SKAP2: variants seen among roughly 807,000 people sequenced by gnomAD.
SKAP2 encodes the protein src kinase associated phosphoprotein 2, also known as src kinase-associated phosphoprotein 2.
In SKAP2, 28 loss-of-function variants were observed where a neutral mutation model predicts 54.9. The ratio of observed to expected loss-of-function variants is 0.51; its 90% CI spans 0.38 to 0.70. SKAP2 has a LOEUF of 0.70. Among genes scored for constraint, SKAP2 ranks in the 30% least tolerant of loss-of-function variants. The pLI is 0.00. For missense variants in SKAP2, 356 were observed against 424.1 expected (o/e 0.84, Z 1.41); for synonymous variants, 137 against 134.3 (o/e 1.02, Z -0.14).
intron 9 of SKAP2, among the ~76,000 whole-genome samples, chr7:26,713,892 C>T (rs1270473246): frequency 6.6e-6 from 1 of 152,136 alleles, no homozygotes; most frequent in African/African-American, 2.4e-5. Context: ...AGCCATCGCG[C>T]CCGACCTAAG....
chr7:26,764,243 G>A (rs1293644563), intron 4 of SKAP2, among the ~76,000 whole-genome samples: 1 of 152,096 alleles, frequency 6.6e-6, no homozygotes, highest in African/African-American at 2.4e-5. Flanking sequence ...TAACCATCCA[G>A]CAACTAGGTA....
At chr7:26,713,164 A>G (rs1787346786) in intron 9 of SKAP2, among the ~76,000 whole-genome samples, 1 of 152,114 alleles carries the variant, frequency 6.6e-6, no homozygotes, top group South Asian at 2.1e-4. Context: ...GAGCCTTTGA[A>G]TTTGGTGTTC....
At chr7:26,666,424 A>T (rs117172940), downstream of SKAP2, among the ~76,000 whole-genome samples, 1,304 of 152,288 alleles carry the variant, frequency 8.6e-3, 8 homozygotes, top group Non-Finnish European at 0.015. Flanking sequence ...TAGAGTGCAG[A>T]AATTACATGA....
chr7:26,821,698 T>C (rs1050179179), intron 4 of SKAP2, among the ~76,000 whole-genome samples: 2 of 152,176 alleles, frequency 1.3e-5, no homozygotes, highest in African/African-American at 4.8e-5. Context: ...ACTTTCTTTA[T>C]AGATAATATC....
At chr7:26,771,918 C>T (rs1033752304) in intron 4 of SKAP2, among the ~76,000 whole-genome samples, 1 of 152,146 alleles carries the variant, frequency 6.6e-6, no homozygotes, top group Non-Finnish European at 1.5e-5. Context: ...CAGGTATGGG[C>T]ACAAACTATC....
intron 4 of SKAP2, among the ~76,000 whole-genome samples, chr7:26,760,060 TAAC>T (rs1782891357): frequency 6.6e-6 from 1 of 152,198 alleles, no homozygotes; most frequent in South Asian, 2.1e-4. Flanking sequence ...AGATATAAAA[TAAC>T]AAGTTTAATC....
At chr7:26,723,687 C>T (rs1047421256) in intron 9 of SKAP2, among the ~76,000 whole-genome samples, 3 of 151,014 alleles carry the variant, frequency 2.0e-5, no homozygotes, top group Non-Finnish European at 4.4e-5. Flanking sequence ...AATATCTGGT[C>T]TTTATTCCTG....
the SKAP2 span, among the ~76,000 whole-genome samples, chr7:26,660,455 C>A: frequency 6.6e-6 from 1 of 152,014 alleles, no homozygotes; most frequent in African/African-American, 2.4e-5. Flanking sequence ...CAATATGTTT[C>A]CAGCCTCAGT....
At position 26,803,613 on chromosome 7, in the gene SKAP2, G is replaced by A. The variant is rs1312577860; in HGVS notation, c.307+40417C>T. On this transcript the variant is annotated intron_variant, in intron 4 of 12. Coordinates refer to ENST00000345317, the MANE Select transcript of SKAP2 (RefSeq NM_003930.5). ...TACCATAGGATCCAGCAATCCCACTGCTGGATATATGCCCAAAAGAAAGGA... is the reference window on the plus strand; with the variant it reads ...TACCATAGGATCCAGCAATCCCACTACTGGATATATGCCCAAAAGAAAGGA... Among the ~76,000 whole-genome samples, 4 of 152,158 alleles carry A rather than the reference G, an allele frequency of 2.6e-5. No homozygotes were observed. The East Asian group carries it at 7.7e-4, about 29-fold the overall frequency.
At chr7:26,702,279 C>A (rs1053348058) in intron 9 of SKAP2, among the ~76,000 whole-genome samples, 1 of 152,020 alleles carries the variant, frequency 6.6e-6, no homozygotes, top group African/African-American at 2.4e-5. Context: ...GTAGCTGAGA[C>A]TGCAGGCGCA....
At chr7:26,831,401 C>G (rs1016244980) in intron 4 of SKAP2, among the ~76,000 whole-genome samples, 29 of 152,174 alleles carry the variant, frequency 1.9e-4, no homozygotes, top group African/African-American at 7.0e-4. Context: ...TATGGAATCC[C>G]TAAAACTTCC....
intron 4 of SKAP2, among the ~76,000 whole-genome samples, chr7:26,782,113 C>T (rs569266482): frequency 6.6e-6 from 1 of 152,302 alleles, no homozygotes; most frequent in South Asian, 2.1e-4. Context: ...CAATACTTGG[C>T]ACAATCCTGG....
At chr7:26,764,419 C>T (rs1783000802) in intron 4 of SKAP2, among the ~76,000 whole-genome samples, 1 of 152,074 alleles carries the variant, frequency 6.6e-6, no homozygotes, top group African/African-American at 2.4e-5. Flanking sequence ...TCTTTCTAGA[C>T]TTCACTTATA....
At chr7:26,849,213 A>T (rs942786378) in intron 3 of SKAP2, among the ~76,000 whole-genome samples, 2 of 152,256 alleles carry the variant, frequency 1.3e-5, no homozygotes, top group African/African-American at 4.8e-5. Context: ...AAGAAACAGC[A>T]TGAGTGAGAA....
At chr7:26,693,103 G>T (rs957145140) in intron 9 of SKAP2, among the ~76,000 whole-genome samples, 1 of 152,062 alleles carries the variant, frequency 6.6e-6, no homozygotes, top group Non-Finnish European at 1.5e-5. Context: ...AGGCCCAGGC[G>T]GGTGGATCAC....
chr7:26,694,814 C>A (rs2127943171), intron 9 of SKAP2, among the ~76,000 whole-genome samples: 1 of 152,152 alleles, frequency 6.6e-6, no homozygotes, highest in Admixed American at 6.5e-5. Context: ...AAGTCATGGC[C>A]CTTTTTCCCC....
At chr7:26,730,571 G>A (rs1315000220) in intron 6 of SKAP2, among the ~76,000 whole-genome samples, 1 of 152,070 alleles carries the variant, frequency 6.6e-6, no homozygotes, top group Non-Finnish European at 1.5e-5. Flanking sequence ...GATGCCTTCA[G>A]AATTTTTGAG....
rs1256954804 is a variant in SKAP2 at position 26,669,466 on chromosome 7, C to T, written c.*200G>A. On this transcript the variant is annotated 3_prime_UTR_variant, in exon 13 of 13. Coordinates refer to ENST00000345317, the MANE Select transcript of SKAP2 (RefSeq NM_003930.5). ...GCAACAGGTATAACTTAACTGGTTGCATCTAATTTACATTAATATCCTTCA... is the reference window on the plus strand; with the variant it reads ...GCAACAGGTATAACTTAACTGGTTGTATCTAATTTACATTAATATCCTTCA... The T allele has an allele frequency of 6.6e-6, 1 of 152,104 alleles. No individual in the cohort carries two copies. Among genetic ancestry groups the T allele is most frequent in the Non-Finnish European group, 1.5e-5 (1 of 68,018 alleles). The allele number at this position is 152,104 out of a possible 1,614,324, so 9.4% of individuals were successfully genotyped here.
chr7:26,738,366 T>C lies in SKAP2; in HGVS notation c.469+429A>G, dbSNP rs186359268. 2.0e-5 allele frequency among the ~76,000 whole-genome samples: 3 copies of C among 152,352 alleles called. No homozygotes were observed. In the East Asian group the frequency reaches 5.8e-4, roughly 29 times the overall value. ...CACGTTTGCTGTTATTCCTTAAATC[T>C]GTAAAGGGAGCTCAGAAAGGTGCTG... is the stretch of plus-strand genomic sequence containing the variant. On this transcript the variant is annotated intron_variant, in intron 6 of 12. Coordinates refer to ENST00000345317, the MANE Select transcript of SKAP2 (RefSeq NM_003930.5).
Sources: allele counts gnomAD v4.1 joint callset (sites outside exome capture counted in the v4.1 genomes callset), GRCh38; gene constraint gnomAD v4.1.1; transcripts MANE v1.5; gene names NCBI Gene and HGNC (gene_info 2026-07-23, HGNC 2026-07-21).